The following LRP6 variants were observed in gnomAD, a reference collection of about 807,000 sequenced individuals.
LRP6 encodes LDL receptor related protein 6.
LRP6 carries 43 observed loss-of-function variants against 184.1 expected under a neutral mutation model. The observed-to-expected ratio is 0.23, with a 90% CI of 0.18 to 0.30. LRP6 has a LOEUF of 0.30. Among genes scored for constraint, LRP6 ranks in the 10% least tolerant of loss-of-function variants. The pLI is 1.00. For missense variants in LRP6, 1,571 were observed against 2,005.3 expected (o/e 0.78, Z 4.14); for synonymous variants, 719 against 684.9 (o/e 1.05, Z -0.78).
At chr12:12,152,764 G>A (rs1443365973) in intron 12 of LRP6, among the ~76,000 whole-genome samples, 4 of 152,214 alleles carry the variant, frequency 2.6e-5, no homozygotes, top group South Asian at 2.1e-4. Flanking sequence ...GCCAAGCCAC[G>A]ACTCCTTGCT....
intron 15 of LRP6, chr12:12,139,054 C>T (rs1591876397): frequency 1.6e-6 from 2 of 1,246,536 alleles, no homozygotes; most frequent in East Asian, 5.6e-5. Context: ...TATTGTTGCA[C>T]AGTGAGAAAG....
intron 1 of LRP6, among the ~76,000 whole-genome samples, chr12:12,256,576 G>A (rs898234910): frequency 3.3e-5 from 5 of 152,150 alleles, no homozygotes; most frequent in African/African-American, 9.7e-5. Context: ...GGGAGCCAAG[G>A]CAGGCAGATC....
intron 1 of LRP6, among the ~76,000 whole-genome samples, chr12:12,249,645 T>A (rs902361018): frequency 1.3e-5 from 2 of 150,742 alleles, no homozygotes; most frequent in Non-Finnish European, 2.9e-5. Flanking sequence ...TTTTGTCCAT[T>A]TGAAATATAT....
intron 1 of LRP6, among the ~76,000 whole-genome samples, chr12:12,246,671 C>CAAAA (rs1214105103): frequency 8.5e-6 from 1 of 117,366 alleles, no homozygotes. Context: ...GACCCTGTCT[C>CAAAA]AAAAAAAAAA....
intron 12 of LRP6, among the ~76,000 whole-genome samples, chr12:12,151,368 T>C (rs1033324062): frequency 1.3e-5 from 2 of 151,812 alleles, no homozygotes; most frequent in Middle Eastern, 3.4e-3. Context: ...ACCAAGTGAA[T>C]AACCCTTAAC....
In LRP6 at chr12:12,263,534, G is replaced by C. The variant is rs188075715; in HGVS notation, c.55+3147C>G. 2.5e-3 allele frequency among the ~76,000 whole-genome samples: 344 copies of C among 136,990 alleles called. 2 individuals are homozygous for C. Among genetic ancestry groups the C allele is most frequent in the African/African-American group, 8.8e-3 (322 of 36,434 alleles). The allele number at this position is 136,990 out of a possible 152,430, so 89.9% of individuals were successfully genotyped here. On this transcript the variant is annotated intron_variant, in intron 1 of 22. Coordinates refer to ENST00000261349, the MANE Select transcript of LRP6 (RefSeq NM_002336.3). ...CCAATGCACTCCAGCCTGGGCAACA[G>C]AGCAAGAATCCGTCTCAAAAAAAAA...
chr12:12,236,523 C>G (rs1864936252), intron 2 of LRP6, among the ~76,000 whole-genome samples: 1 of 152,184 alleles, frequency 6.6e-6, no homozygotes, highest in Admixed American at 6.5e-5. Flanking sequence ...ACAACACCAG[C>G]TGGGTGTCCT....
intron 2 of LRP6, among the ~76,000 whole-genome samples, chr12:12,240,241 A>C (rs1865029157): frequency 6.6e-6 from 1 of 152,222 alleles, no homozygotes; most frequent in Non-Finnish European, 1.5e-5. Context: ...TAATCTGCCT[A>C]AATGTAACTG....
chr12:12,138,613 G>C, intron 15 of LRP6, 79 bp from the exon 16 acceptor site: 1 of 1,338,684 alleles, frequency 7.5e-7, no homozygotes, highest in African/African-American at 1.5e-5. Flanking sequence ...CTGACTACCA[G>C]TTAGATTCTA....
chr12:12,208,389 A>T (rs73291597), intron 2 of LRP6, among the ~76,000 whole-genome samples: 8,082 of 152,260 alleles, frequency 0.053, 718 homozygotes, highest in African/African-American at 0.19. Flanking sequence ...AATTTTTTGC[A>T]TGTAAATTCT....
intron 7 of LRP6, among the ~76,000 whole-genome samples, chr12:12,166,105 C>T (rs927096856): frequency 2.6e-5 from 4 of 152,046 alleles, no homozygotes; most frequent in Non-Finnish European, 5.9e-5. Flanking sequence ...ATATCTGATA[C>T]CTTTTTTGGG....
intron 2 of LRP6, among the ~76,000 whole-genome samples, chr12:12,204,301 A>AGG (rs769254470): frequency 2.1e-3 from 286 of 135,726 alleles, no homozygotes; most frequent in Middle Eastern, 4.0e-3. Context: ...AAAAAAAAGG[A>AGG]GGGGGGGGTC....
At chr12:12,230,808 T>C (rs1379363385) in intron 2 of LRP6, among the ~76,000 whole-genome samples, 1 of 152,078 alleles carries the variant, frequency 6.6e-6, no homozygotes, top group Non-Finnish European at 1.5e-5. Context: ...CAAAATAAAA[T>C]ATACAAACAC....
At chr12:12,131,609 T>C (rs1949759041) in intron 18 of LRP6, among the ~76,000 whole-genome samples, 1 of 152,190 alleles carries the variant, frequency 6.6e-6, no homozygotes, top group Admixed American at 6.5e-5. Flanking sequence ...TTAGTTTCAT[T>C]TCTCAATTTT....
chr12:12,146,430 A>G (rs1405620860), intron 15 of LRP6, among the ~76,000 whole-genome samples: 3 of 152,224 alleles, frequency 2.0e-5, no homozygotes, highest in Non-Finnish European at 4.4e-5. Context: ...AATTTCATTT[A>G]CCTGATCACT....
In LRP6 at chr12:12,125,407, G is replaced by A. The variant is rs1173543833; in HGVS notation, c.4338C>T (p.Ile1446=). 1.2e-6 allele frequency: 2 copies of A among 1,613,962 alleles called. No individual in the cohort carries two copies. Among genetic ancestry groups the A allele is most frequent in the South Asian group, 1.1e-5 (1 of 91,068 alleles). The part of the protein sequence containing the change: ...LPGMSRGKSM[I]SSLSIMGGSS... ...TTCCCCCCATGATACTGAGGGAGCT[G>A]ATCATTGATTTACCTCGAGACATTC... Residue 1446 remains isoleucine (I), a synonymous_variant, in exon 21 of 23, where the codon ATC becomes ATT. Coordinates refer to ENST00000261349, the MANE Select transcript of LRP6 (RefSeq NM_002336.3).
chr12:12,158,194 AC>A (rs1371348696), intron 12 of LRP6, among the ~76,000 whole-genome samples: 2 of 152,192 alleles, frequency 1.3e-5, no homozygotes. Flanking sequence ...ACTTCAAAGG[AC>A]AAGTAAGTTG....
intron 12 of LRP6, among the ~76,000 whole-genome samples, chr12:12,157,457 A>G (rs1355026541): frequency 6.6e-6 from 1 of 152,192 alleles, no homozygotes; most frequent in Non-Finnish European, 1.5e-5. Flanking sequence ...AACCCTATAC[A>G]GCAATTACTA....
chr12:12,242,847 G>A (rs1865099420), intron 2 of LRP6, among the ~76,000 whole-genome samples: 1 of 152,066 alleles, frequency 6.6e-6, no homozygotes, highest in Admixed American at 6.6e-5. Flanking sequence ...AGTCAAATCA[G>A]TCTTCTCATT....
Sources: gnomAD v4.1 joint callset for allele counts (sites outside exome capture counted in the v4.1 genomes callset) on GRCh38, gnomAD v4.1.1 for gene constraint, MANE v1.5 for transcripts, NCBI Gene and HGNC (gene_info 2026-07-23, HGNC 2026-07-21) for gene names.